The following IQGAP2 variants were observed in gnomAD, a reference collection of about 807,000 sequenced individuals.
IQGAP2 encodes IQ motif containing GTPase activating protein 2, also known as ras GTPase-activating-like protein IQGAP2.
IQGAP2 carries 173 observed loss-of-function variants against 201.3 expected under a neutral mutation model. The ratio of observed to expected loss-of-function variants is 0.86; its 90% CI spans 0.76 to 0.98. The LOEUF is 0.98. IQGAP2 is among the 50% of genes least tolerant of loss of function. The pLI is 0.00. For missense variants in IQGAP2, 1,687 were observed against 1,864.8 expected (o/e 0.90, Z 1.76); for synonymous variants, 675 against 673.9 (o/e 1.00, Z -0.03).
intron 2 of IQGAP2, among the ~76,000 whole-genome samples, chr5:76,513,531 A>G (rs1758116346): frequency 6.6e-6 from 1 of 152,264 alleles, no homozygotes; most frequent in South Asian, 2.1e-4. Flanking sequence ...CCCATGTTCC[A>G]TATAAGCCAC....
chr5:76,533,178 T>A (rs1229230064), intron 2 of IQGAP2, among the ~76,000 whole-genome samples: 1 of 152,102 alleles, frequency 6.6e-6, no homozygotes, highest in African/African-American at 2.4e-5. Flanking sequence ...GTTTTTTTTT[T>A]AACTCACTTT....
chr5:76,471,510 A>G (rs6899112), intron 2 of IQGAP2, among the ~76,000 whole-genome samples: 29,796 of 152,098 alleles, frequency 0.2, 3,061 homozygotes, highest in Middle Eastern at 0.3. Flanking sequence ...GAAAGAAAAC[A>G]AAACACGGGT....
intron 1 of IQGAP2, among the ~76,000 whole-genome samples, chr5:76,411,461 G>C (rs1335619173): frequency 1.3e-5 from 2 of 152,168 alleles, no homozygotes; most frequent in Admixed American, 1.3e-4. Context: ...CCCAAAGTTC[G>C]TGTGTTGGAA....
Position 76,518,410 on chromosome 5 carries a change from A to C in IQGAP2, c.147-43986A>C, listed in dbSNP as rs144115623. Among the ~76,000 whole-genome samples the C allele has an allele frequency of 3.9e-3, 592 of 152,272 alleles. 6 individuals are homozygous for C. The highest frequency in any genetic ancestry group is 0.013 in the African/African-American group (550 of 41,550). On this transcript the variant is annotated intron_variant, in intron 2 of 35. Coordinates refer to ENST00000274364, the MANE Select transcript of IQGAP2 (RefSeq NM_006633.5). ...TGTGCAGGAGAACTCCTCTTTTTAA[A>C]ACCATCAGATCTCGTGAGACTTATT...
intron 2 of IQGAP2, among the ~76,000 whole-genome samples, chr5:76,512,157 A>G (rs989183682): frequency 7.2e-5 from 11 of 152,194 alleles, no homozygotes; most frequent in Non-Finnish European, 1.5e-4. Flanking sequence ...TTTGAAAGAC[A>G]AACTATTTGA....
At chr5:76,662,336 C>A (rs1267445828) in intron 21 of IQGAP2, among the ~76,000 whole-genome samples, 3 of 152,176 alleles carry the variant, frequency 2.0e-5, no homozygotes, top group Non-Finnish European at 4.4e-5. Context: ...ATTATCCTGC[C>A]TTCACCAACT....
At chr5:76,450,785 A>G (rs1753691331) in intron 1 of IQGAP2, among the ~76,000 whole-genome samples, 1 of 152,198 alleles carries the variant, frequency 6.6e-6, no homozygotes, top group Admixed American at 6.5e-5. Context: ...CTTCTTGCTA[A>G]TGAGAACTAG....
intron 2 of IQGAP2, among the ~76,000 whole-genome samples, chr5:76,523,613 T>G (rs1419872867): frequency 6.6e-6 from 1 of 152,338 alleles, no homozygotes; most frequent in African/African-American, 2.4e-5. Context: ...AATCTCTTTC[T>G]GTCCAATCAG....
chr5:76,697,008 T>C (rs7712485), intron 32 of IQGAP2, among the ~76,000 whole-genome samples: 49,962 of 152,094 alleles, frequency 0.33, 8,359 homozygotes, highest in Non-Finnish European at 0.35. Flanking sequence ...AAAAGAAAAA[T>C]AATATTAAAC....
At chr5:76,645,938 A>G (rs2150413244) in intron 17 of IQGAP2, among the ~76,000 whole-genome samples, 1 of 152,290 alleles carries the variant, frequency 6.6e-6, no homozygotes, top group South Asian at 2.1e-4. Context: ...ATGTTTGCGA[A>G]TCTCAGATAA....
intron 2 of IQGAP2, among the ~76,000 whole-genome samples, chr5:76,508,485 A>G (rs1180458107): frequency 6.6e-6 from 1 of 152,174 alleles, no homozygotes; most frequent in African/African-American, 2.4e-5. Flanking sequence ...GGCCTTTATG[A>G]TGGGCTGGTA....
At chr5:76,534,173 C>G (rs1379809447) in intron 2 of IQGAP2, among the ~76,000 whole-genome samples, 1 of 152,186 alleles carries the variant, frequency 6.6e-6, no homozygotes, top group Non-Finnish European at 1.5e-5. Flanking sequence ...ACATGGAGAG[C>G]TAGTTATTTC....
chr5:76,432,337 C>T (rs568366832), intron 1 of IQGAP2, among the ~76,000 whole-genome samples: 28 of 152,202 alleles, frequency 1.8e-4, no homozygotes, highest in African/African-American at 6.0e-4. Flanking sequence ...GTTGGCCAGG[C>T]TGGTCTCGAA....
rs566526969 is a variant in IQGAP2, at chr5:76,597,523, C to T, written c.992C>T (p.Ala331Val). ...NTLLALKKPE[A>V]QLPAVYPFAA... The stretch of plus-strand genomic sequence containing the variant: ...CTGCTTGCACTGAAGAAACCAGAGG[C>T]CCAGCTGCCTGCTGTTTATCCCTTT... Residue 331 changes from alanine (A) to valine (V), a missense_variant, in exon 10 of 36, where the codon GCC becomes GTC. Coordinates refer to ENST00000274364, the MANE Select transcript of IQGAP2 (RefSeq NM_006633.5). The T allele has an allele frequency of 7.4e-6, 12 of 1,613,956 alleles. No homozygotes were observed. In the African/African-American group the frequency reaches 1.3e-4, roughly 18 times the overall value.
chr5:76,685,737 A>C (rs1247646182), intron 30 of IQGAP2, among the ~76,000 whole-genome samples: 1 of 152,082 alleles, frequency 6.6e-6, no homozygotes, highest in Non-Finnish European at 1.5e-5. Context: ...CCACTTCTTT[A>C]ATCACCACAC....
At chr5:76,536,541 C>T (rs909000762) in intron 2 of IQGAP2, among the ~76,000 whole-genome samples, 12 of 151,520 alleles carry the variant, frequency 7.9e-5, no homozygotes, top group East Asian at 2.0e-4. Flanking sequence ...GGGTGGATCA[C>T]CTGAGGTCAG....
chr5:76,528,713 T>C lies in IQGAP2; in HGVS notation c.147-33683T>C, dbSNP rs143284672. Among the ~76,000 whole-genome samples, 5 of 152,364 alleles carry C rather than the reference T, an allele frequency of 3.3e-5. No individual in the cohort carries two copies. In the South Asian group the frequency reaches 6.2e-4, roughly 19 times the overall value. ...TAGCAAGGCTTCCAGCAGGCGACTCTAGGGTCATTCGTGGCCAATATGATT... is the reference window on the plus strand; with the variant it reads ...TAGCAAGGCTTCCAGCAGGCGACTCCAGGGTCATTCGTGGCCAATATGATT... On this transcript the variant is annotated intron_variant, in intron 2 of 35. Coordinates refer to ENST00000274364, the MANE Select transcript of IQGAP2 (RefSeq NM_006633.5).
At chr5:76,482,960 C>G (rs562470644) in intron 2 of IQGAP2, among the ~76,000 whole-genome samples, 15 of 152,166 alleles carry the variant, frequency 9.9e-5, no homozygotes, top group Non-Finnish European at 2.2e-4. Flanking sequence ...ACACCTATAT[C>G]CCAGCATTAT....
At position 76,570,582 on chromosome 5, in the gene IQGAP2, G is replaced by C. The variant is rs1745043815; in HGVS notation, c.306G>C (p.Lys102Asn). ...TTTCCCTCCTATCGTCACTTTAGAA[G>C]TCTGGCCTTCATTTTCGACACACAG... ...IYDVEQTRYK[K>N]SGLHFRHTDN... The change falls in exon 4 of 36, where the codon AAG becomes AAC. Residue 102 changes from lysine (K) to asparagine (N), a missense_variant and splice_region_variant. Coordinates refer to ENST00000274364, the MANE Select transcript of IQGAP2 (RefSeq NM_006633.5). The C allele has an allele frequency of 6.2e-7, 1 of 1,611,226 alleles. No homozygotes were observed. Among genetic ancestry groups the C allele is most frequent in the East Asian group, 2.2e-5 (1 of 44,870 alleles).
Sources: gnomAD v4.1 joint callset for allele counts (sites outside exome capture counted in the v4.1 genomes callset) on GRCh38, gnomAD v4.1.1 for gene constraint, MANE v1.5 for transcripts, NCBI Gene and HGNC (gene_info 2026-07-23, HGNC 2026-07-21) for gene names.